SPOCK3: variants seen among roughly 807,000 people sequenced by gnomAD.
The protein encoded by SPOCK3 is SPARC (osteonectin), cwcv and kazal like domains proteoglycan 3.
A neutral mutation model predicts 56.6 loss-of-function variants in SPOCK3; 30 were observed. The observed-to-expected ratio is 0.53, with a 90% CI of 0.40 to 0.72. The LOEUF (loss-of-function observed/expected upper bound fraction) is 0.72. SPOCK3 is among the 30% of genes least tolerant of loss of function. The probability of loss-of-function intolerance (pLI) is 0.00; values close to 1 mark genes in which losing one functional copy is unlikely to be tolerated. For missense variants in SPOCK3, 527 were observed against 530.0 expected (o/e 0.99, Z 0.06); for synonymous variants, 196 against 183.3 (o/e 1.07, Z -0.56).
chr4:166,785,186 A>T (rs558762954), intron 7 of SPOCK3, among the ~76,000 whole-genome samples: 4 of 152,252 alleles, frequency 2.6e-5, no homozygotes, highest in African/African-American at 9.6e-5. Flanking sequence ...TAAGATTTTT[A>T]CCATCTTAGT....
chr4:166,849,306 T>C (rs1027349031), intron 6 of SPOCK3, among the ~76,000 whole-genome samples: 1 of 152,190 alleles, frequency 6.6e-6, no homozygotes, highest in Non-Finnish European at 1.5e-5. Context: ...ATAAAGGAGA[T>C]GGTAATTCAT....
intron 8 of SPOCK3, among the ~76,000 whole-genome samples, chr4:166,743,070 C>A (rs1280668687): frequency 6.6e-6 from 1 of 151,878 alleles, no homozygotes; most frequent in Non-Finnish European, 1.5e-5. Flanking sequence ...GATCGATCCC[C>A]CTCGGATACT....
intron 6 of SPOCK3, among the ~76,000 whole-genome samples, chr4:166,845,506 C>G (rs889366117): frequency 6.6e-6 from 1 of 152,024 alleles, no homozygotes; most frequent in African/African-American, 2.4e-5. Flanking sequence ...AAAAAAAATA[C>G]TTCCTGAGTA....
rs765322647 is a variant in SPOCK3 at position 167,192,974 on chromosome 4, T to A, written c.189+41011A>T. 1.6e-4 allele frequency among the ~76,000 whole-genome samples: 24 copies of A among 146,090 alleles called. 1 individual carries two copies. Among genetic ancestry groups the A allele is most frequent in the Non-Finnish European group, 3.3e-4 (22 of 66,966 alleles). ...TGGTAGAATACGACACTTGAAATAA[T>A]CTTCTTAAATTTGTCAGCACTTATT... is the stretch of plus-strand genomic sequence containing the variant. On this transcript the variant is annotated intron_variant, in intron 2 of 10. Coordinates refer to ENST00000357545, the MANE Select transcript of SPOCK3 (RefSeq NM_001040159.2).
chr4:167,184,855 A>C (rs1731812267), intron 2 of SPOCK3, among the ~76,000 whole-genome samples: 1 of 152,218 alleles, frequency 6.6e-6, no homozygotes, highest in Non-Finnish European at 1.5e-5. Flanking sequence ...AATGGAAGGC[A>C]ATTGGTGTTG....
intron 7 of SPOCK3, among the ~76,000 whole-genome samples, chr4:166,767,096 T>A (rs1214779656): frequency 6.6e-6 from 1 of 152,200 alleles, no homozygotes; most frequent in Non-Finnish European, 1.5e-5. Flanking sequence ...TTTATTACTC[T>A]GGCTAGCAGT....
At chr4:166,935,064 A>G (rs977659581) in intron 4 of SPOCK3, among the ~76,000 whole-genome samples, 9 of 152,288 alleles carry the variant, frequency 5.9e-5, no homozygotes, top group Non-Finnish European at 1.0e-4. Flanking sequence ...CAGATAAGCA[A>G]GGAGTATAAA....
chr4:166,796,028 C>T (rs1200061049), intron 6 of SPOCK3, among the ~76,000 whole-genome samples: 1 of 152,166 alleles, frequency 6.6e-6, no homozygotes, highest in Non-Finnish European at 1.5e-5. Flanking sequence ...GATCCTTCTC[C>T]CCTTCCACCA....
intron 6 of SPOCK3, among the ~76,000 whole-genome samples, chr4:166,874,046 G>T (rs117153025): frequency 2.0e-5 from 3 of 152,108 alleles, no homozygotes; most frequent in African/African-American, 7.2e-5. Flanking sequence ...AAATGATCTT[G>T]GGAGATTGAA....
At chr4:166,909,582 G>C (rs150332216) in intron 5 of SPOCK3, among the ~76,000 whole-genome samples, 1,797 of 152,068 alleles carry the variant, frequency 0.012, 43 homozygotes, top group African/African-American at 0.04. Flanking sequence ...AATAGGAAAG[G>C]CTTCCACAGC....
At chr4:167,072,334 CT>C (rs199581188) in intron 2 of SPOCK3, among the ~76,000 whole-genome samples, 1 of 151,838 alleles carries the variant, frequency 6.6e-6, no homozygotes. Flanking sequence ...AGCCACACCC[CT>C]TTTTTTTACA....
intron 4 of SPOCK3, among the ~76,000 whole-genome samples, chr4:166,928,567 T>G (rs544885998): frequency 6.6e-6 from 1 of 152,280 alleles, no homozygotes; most frequent in Admixed American, 6.5e-5. Flanking sequence ...CAGAAGACTT[T>G]TAGTGGAGTG....
chr4:167,059,294 C>T (rs1755300407), intron 3 of SPOCK3, among the ~76,000 whole-genome samples: 1 of 152,080 alleles, frequency 6.6e-6, no homozygotes, highest in Non-Finnish European at 1.5e-5. Context: ...AGACCTCAAA[C>T]AAATTTACAA....
intron 2 of SPOCK3, among the ~76,000 whole-genome samples, chr4:167,212,184 ATT>A (rs1734938866): frequency 6.6e-6 from 1 of 152,034 alleles, no homozygotes; most frequent in Non-Finnish European, 1.5e-5. Context: ...TGTTGTGTTC[ATT>A]TTAGATTTTT....
intron 4 of SPOCK3, among the ~76,000 whole-genome samples, chr4:166,923,318 C>G (rs1738712178): frequency 6.6e-6 from 1 of 152,124 alleles, no homozygotes; most frequent in Non-Finnish European, 1.5e-5. Context: ...TTAATGTAAC[C>G]ATATCTTTTG....
intron 2 of SPOCK3, among the ~76,000 whole-genome samples, chr4:167,228,158 C>CA (rs1419997466): frequency 1.3e-5 from 2 of 152,236 alleles, no homozygotes; most frequent in Admixed American, 6.5e-5. Flanking sequence ...CTGGTGCATA[C>CA]AAAAAACCTA....
intron 2 of SPOCK3, among the ~76,000 whole-genome samples, chr4:167,205,890 T>C (rs1418056454): frequency 2.0e-5 from 3 of 151,768 alleles, no homozygotes; most frequent in African/African-American, 7.2e-5. Context: ...ATTACAGGCA[T>C]AAGCCACCGC....
intron 2 of SPOCK3, among the ~76,000 whole-genome samples, chr4:167,166,776 G>C (rs532459416): frequency 6.6e-6 from 1 of 152,132 alleles, no homozygotes; most frequent in Admixed American, 6.6e-5. Context: ...ATGGGATTTT[G>C]AAAATGGCAA....
At chr4:166,921,324 T>TTTA (rs1738458958) in intron 4 of SPOCK3, among the ~76,000 whole-genome samples, 2 of 125,098 alleles carry the variant, frequency 1.6e-5, no homozygotes, top group Non-Finnish European at 3.3e-5. Flanking sequence ...ATGTGTTGAA[T>TTTA]TTTTTTTTTT....
Sources: allele counts gnomAD v4.1 joint callset (sites outside exome capture counted in the v4.1 genomes callset), GRCh38; gene constraint gnomAD v4.1.1; transcripts MANE v1.5; gene names NCBI Gene and HGNC (gene_info 2026-07-23, HGNC 2026-07-21).